LILRB1: variants seen among roughly 807,000 people sequenced by gnomAD.
LILRB1 encodes leukocyte immunoglobulin-like receptor subfamily B member 1.
A neutral mutation model predicts 74.6 loss-of-function variants in LILRB1; 59 were observed. That is an observed-to-expected ratio of 0.79 (90% CI 0.64 to 0.98). LILRB1 has a LOEUF of 0.98. Among genes scored for constraint, LILRB1 ranks in the 50% least tolerant of loss-of-function variants. LILRB1 has a pLI of 0.00. For synonymous variants in LILRB1, 328 were observed against 333.9 expected (o/e 0.98, Z 0.19); for missense variants, 804 against 822.6 (o/e 0.98, Z 0.28).
At chr19:54,621,867 G>A (rs2063466824) in intron 1 of LILRB1, among the ~76,000 whole-genome samples, 1 of 152,112 alleles carries the variant, frequency 6.6e-6, no homozygotes, top group Admixed American at 6.6e-5. Context: ...TTTTGTACAT[G>A]GTGGGAGATA....
At position 54,631,585 on chromosome 19, in the gene LILRB1, C is replaced by G. The variant is rs200861496; in HGVS notation, c.156C>G (p.Gly52=). Residue 52 remains glycine, a synonymous_variant, in exon 4 of 15, where the codon GGC becomes GGG. Coordinates refer to ENST00000324602, the MANE Select transcript of LILRB1 (RefSeq NM_001081637.3). ...CTGTGACCCTCAGGTGTCAGGGGGG[C>G]CAGGAGACCCAGGAGTACCGTCTAT... ...GSPVTLRCQG[G]QETQEYRLYR... 4,310 of 1,614,196 alleles carry G rather than the reference C, an allele frequency of 2.7e-3. No homozygotes were observed. The highest frequency in any genetic ancestry group is 3.3e-3 in the Non-Finnish European group (3,904 of 1,179,992).
chr19:54,629,651 G>A (rs1419750585), upstream of LILRB1, among the ~76,000 whole-genome samples: 1 of 150,454 alleles, frequency 6.6e-6, no homozygotes, highest in Non-Finnish European at 1.5e-5. Flanking sequence ...GTAGCTGGAG[G>A]ACGCAGCCTC....
chr19:54,630,850 T>C (rs1164145250), intron 1 of LILRB1, 176 bp from the exon 2 acceptor site: 15 of 870,588 alleles, frequency 1.7e-5, no homozygotes, highest in Non-Finnish European at 2.7e-5. Flanking sequence ...CCCATTACCA[T>C]CTGAAATGAT....
In LILRB1 at chr19:54,633,239, C is replaced by T. The variant is rs1373966638; in HGVS notation, c.1182C>T (p.Thr394=). 5 of 1,614,038 alleles carry T rather than the reference C, an allele frequency of 3.1e-6. No homozygotes were observed. Among genetic ancestry groups the T allele is most frequent in the Non-Finnish European group, 4.2e-6 (5 of 1,180,034 alleles). Residue 394 remains threonine, a synonymous_variant, in exon 7 of 15, where the codon ACC becomes ACT. Transcript: ENST00000324602. The part of the protein sequence containing the change: ...MGPVTSAHAG[T]YRCYGSQSSK... ...CTGTGACCTCAGCCCATGCGGGGAC[C>T]TACAGGTGCTACGGCTCACAGAGCT...
In LILRB1 at chr19:54,634,678, G is replaced by A. The variant is rs2064232338; in HGVS notation, c.1401G>A (p.Leu467=). The A allele has an allele frequency of 1.9e-6, 3 of 1,613,882 alleles. No individual in the cohort carries two copies. The highest frequency in any genetic ancestry group is 2.2e-5 in the East Asian group (1 of 44,864). The change falls in exon 10 of 15, where the codon TTG becomes TTA. Residue 467 remains leucine, a synonymous_variant. Coordinates refer to ENST00000324602, the MANE Select transcript of LILRB1 (RefSeq NM_001081637.3). ...GRHLGVVIGI[L]VAVILLLLLL... ...ACCTGGGGGTTGTGATCGGCATCTT[G>A]GTGGCCGTCATCCTACTGCTCCTCC...
At chr19:54,628,027 C>T (rs1421914659), upstream of LILRB1, among the ~76,000 whole-genome samples, 1 of 152,192 alleles carries the variant, frequency 6.6e-6, no homozygotes, top group Non-Finnish European at 1.5e-5. Context: ...CATTTATAAC[C>T]TGACACGTCC....
upstream of LILRB1, among the ~76,000 whole-genome samples, chr19:54,628,154 G>A (rs1213227766): frequency 1.3e-5 from 2 of 152,126 alleles, no homozygotes; most frequent in Non-Finnish European, 2.9e-5. Flanking sequence ...GCAGAACAAA[G>A]GAAGGAGGAA....
chr19:54,626,214 C>T (rs991197718), upstream of LILRB1, among the ~76,000 whole-genome samples: 13 of 152,198 alleles, frequency 8.5e-5, no homozygotes, highest in African/African-American at 3.1e-4. Context: ...AATCCGGTCC[C>T]AATGTGCTTG....
At position 54,637,770 on chromosome 19, in the gene LILRB1, A is replaced by G. The variant is rs2064555693; in HGVS notation, c.*892A>G. Among the ~76,000 whole-genome samples the G allele has an allele frequency of 3.3e-5, 5 of 152,324 alleles. No homozygotes were observed. In the South Asian group the frequency reaches 1.0e-3, roughly 32 times the overall value. On this transcript the variant is annotated 3_prime_UTR_variant, in exon 15 of 15. Transcript: ENST00000324602. The stretch of plus-strand genomic sequence containing the variant: ...AGAAAGAGCAGGCATGCATTTCCAT[A>G]TGGGAGTGAGCCAGCAGACAGCCCT...
rs1251971089 is a variant in LILRB1 at position 54,636,950 on chromosome 19, C to T, written c.*72C>T. ...TGGGAGCTGCCCCCCCAGTGGACAC[C>T]ATTGGACCCCACCCAGCCTGGATCT... On this transcript the variant is annotated 3_prime_UTR_variant, in exon 15 of 15. Transcript: ENST00000324602. 1.9e-6 allele frequency: 3 copies of T among 1,587,464 alleles called. No individual in the cohort carries two copies. In the African/African-American group the frequency reaches 4.0e-5, roughly 21 times the overall value.
upstream of LILRB1, among the ~76,000 whole-genome samples, chr19:54,627,003 G>A (rs1447121017): frequency 3.9e-5 from 6 of 152,200 alleles, no homozygotes; most frequent in Admixed American, 1.3e-4. Flanking sequence ...AGTGTGGCCC[G>A]GGTCACTGAG....
At chr19:54,627,946 T>G (rs2063641747), upstream of LILRB1, among the ~76,000 whole-genome samples, 1 of 152,234 alleles carries the variant, frequency 6.6e-6, no homozygotes, top group African/African-American at 2.4e-5. Context: ...AGACCATTTT[T>G]ATTTTCTGCA....
At chr19:54,636,056 C>T (rs755892653) in intron 13 of LILRB1, 32 of 542,270 alleles carry the variant, frequency 5.9e-5, no homozygotes, top group Non-Finnish European at 9.9e-5. Flanking sequence ...ATAAATGTGC[C>T]GCCTCCAGGA....
rs2064540103 is a variant in LILRB1 at position 54,637,524 on chromosome 19, A to G, written c.*646A>G. ...TGGCGACAGAGGGAGACTCCATCTC[A>G]AATTAAAAAAAAAAAAAAAAAAGAA... is the stretch of plus-strand genomic sequence containing the variant. On this transcript the variant is annotated 3_prime_UTR_variant, in exon 15 of 15. Transcript: ENST00000324602. The G allele has an allele frequency of 6.8e-6, 1 of 147,692 alleles. No individual in the cohort carries two copies. Among genetic ancestry groups the G allele is most frequent in the Non-Finnish European group, 1.5e-5 (1 of 67,036 alleles). 9.1% of individuals were successfully genotyped at this position (147,692 alleles called of 1,614,324 possible).
Position 54,633,669 on chromosome 19 carries a change from A to T in LILRB1, c.1293A>T (p.Thr431=), listed in dbSNP as rs763230026. The T allele has an allele frequency of 2.5e-6, 4 of 1,613,386 alleles. No homozygotes were observed. Among genetic ancestry groups the T allele is most frequent in the Admixed American group, 1.7e-5 (1 of 59,954 alleles). The part of the protein sequence containing the change: ...GPSGGPSSPT[T]GPTSTSAGPE... ...CTGGGGGCCCCAGCTCCCCGACAAC[A>T]GGCCCCACCTCCACATCTGGTGAGT... Residue 431 remains threonine, a synonymous_variant, in exon 8 of 15, where the codon ACA becomes ACT. Transcript: ENST00000324602.
In LILRB1 at chr19:54,634,771, G is replaced by A. The variant is rs748177138; in HGVS notation, c.1486+8G>A. On this transcript the variant is annotated splice_region_variant and intron_variant, in intron 10 of 14. Coordinates refer to ENST00000324602, the MANE Select transcript of LILRB1 (RefSeq NM_001081637.3). ...GCAAACACTGGACATCGAGTGAGTAGGGAATGGGGGGACCCTGAGGGCTGA... is the reference window on the plus strand; with the variant it reads ...GCAAACACTGGACATCGAGTGAGTAAGGAATGGGGGGACCCTGAGGGCTGA... 6.6e-5 allele frequency: 107 copies of A among 1,613,452 alleles called. No homozygotes were observed. The highest frequency in any genetic ancestry group is 1.8e-4 in the Admixed American group (11 of 59,974).
intron 10 of LILRB1, 104 bp downstream of exon 10, chr19:54,634,867 TCCAGCATTTCTCA>T: frequency 6.5e-7 from 1 of 1,531,798 alleles, no homozygotes. Context: ...GAGAAACTGT[TCCAGCATTTCTCA>T]CCAGGCCAAT....
intron 6 of LILRB1, 111 bp downstream of exon 6, chr19:54,632,871 G>C: frequency 7.0e-7 from 1 of 1,424,548 alleles, no homozygotes; most frequent in Admixed American, 2.0e-5. Context: ...GGGAGGGAGA[G>C]ACAGACAGAG....
intron 1 of LILRB1, among the ~76,000 whole-genome samples, chr19:54,622,025 A>C (rs945564653): frequency 6.6e-6 from 1 of 152,066 alleles, no homozygotes; most frequent in South Asian, 2.1e-4. Context: ...TAGTTTCTCT[A>C]TTCTGTTCCC....
Sources: gnomAD v4.1 joint callset for allele counts (sites outside exome capture counted in the v4.1 genomes callset) on GRCh38, gnomAD v4.1.1 for gene constraint, MANE v1.5 for transcripts, NCBI Gene and HGNC (gene_info 2026-07-23, HGNC 2026-07-21) for gene names.